PCGF5: variants seen among roughly 807,000 people sequenced by gnomAD.
The protein encoded by PCGF5 is polycomb group ring finger 5, also known as polycomb group RING finger protein 5.
A neutral mutation model predicts 44.3 loss-of-function variants in PCGF5; 9 were observed. The observed-to-expected ratio is 0.20, with a 90% CI of 0.12 to 0.35. PCGF5 has a LOEUF of 0.35. Among genes scored for constraint, PCGF5 ranks in the 10% least tolerant of loss-of-function variants. The pLI is 1.00. For synonymous variants in PCGF5, 95 were observed against 102.5 expected (o/e 0.93, Z 0.44); for missense variants, 146 against 305.3 (o/e 0.48, Z 3.89).
chr10:91,235,699 T>C (rs534200699), intron 2 of PCGF5, among the ~76,000 whole-genome samples: 65 of 152,136 alleles, frequency 4.3e-4, no homozygotes, highest in Non-Finnish European at 8.1e-4. Context: ...TCTCACGCTG[T>C]TTTCTCAATA....
At chr10:91,227,832 C>T in intron 2 of PCGF5, 1 of 987,128 alleles carries the variant, frequency 1.0e-6, no homozygotes, top group Non-Finnish European at 1.2e-6. Context: ...TGAATGCCTC[C>T]TCTGTGCCCA....
chr10:91,158,407 C>T (rs966846409), upstream of PCGF5, among the ~76,000 whole-genome samples: 1 of 152,168 alleles, frequency 6.6e-6, no homozygotes, highest in African/African-American at 2.4e-5. Flanking sequence ...CTACGGCGAA[C>T]TGAGGAGACA....
At chr10:91,261,021 AC>A (rs1765294375) in intron 6 of PCGF5, among the ~76,000 whole-genome samples, 1 of 147,324 alleles carries the variant, frequency 6.8e-6, no homozygotes, top group African/African-American at 2.7e-5. Flanking sequence ...GCTTTTTGTG[AC>A]CTTTTTTTCT....
intron 3 of PCGF5, among the ~76,000 whole-genome samples, chr10:91,245,548 A>T (rs1307453286): frequency 6.6e-6 from 1 of 152,062 alleles, no homozygotes; most frequent in Non-Finnish European, 1.5e-5. Flanking sequence ...ATATAGGAGA[A>T]ATAATGGCGT....
chr10:91,228,579 G>C (rs912427910), intron 2 of PCGF5, among the ~76,000 whole-genome samples: 3 of 152,102 alleles, frequency 2.0e-5, no homozygotes, highest in Non-Finnish European at 4.4e-5. Flanking sequence ...CGTGATAAGA[G>C]ACTCGGCGAT....
chr10:91,233,965 G>T, intron 2 of PCGF5, among the ~76,000 whole-genome samples: 1 of 152,138 alleles, frequency 6.6e-6, no homozygotes, highest in East Asian at 1.9e-4. Context: ...TGAGAGAAAA[G>T]ATTATTATTG....
intron 1 of PCGF5, among the ~76,000 whole-genome samples, chr10:91,197,110 T>C (rs1428615193): frequency 2.0e-5 from 3 of 152,224 alleles, no homozygotes. Context: ...GACAAACTAC[T>C]CCAAAACTTA....
At chr10:91,179,851 T>C (rs1449469915) in intron 1 of PCGF5, among the ~76,000 whole-genome samples, 1 of 152,218 alleles carries the variant, frequency 6.6e-6, no homozygotes, top group Non-Finnish European at 1.5e-5. Flanking sequence ...TTATATTCCT[T>C]TGGGTATATA....
intron 2 of PCGF5, among the ~76,000 whole-genome samples, chr10:91,226,236 G>A (rs1844832833): frequency 7.5e-6 from 1 of 133,638 alleles, no homozygotes; most frequent in Non-Finnish European, 1.5e-5. Context: ...CATAGAACCT[G>A]CCCTTCTGGA....
At chr10:91,221,569 A>G (rs1025076540) in intron 1 of PCGF5, among the ~76,000 whole-genome samples, 4 of 152,182 alleles carry the variant, frequency 2.6e-5, no homozygotes, top group Admixed American at 6.5e-5. Flanking sequence ...CGCAGTGGGT[A>G]TGTGTTGATG....
chr10:91,227,651 C>T (rs1347093437), intron 2 of PCGF5: 2 of 1,122,698 alleles, frequency 1.8e-6, no homozygotes, highest in African/African-American at 1.7e-5. Context: ...AGCTTACTGT[C>T]TTTATCATTA....
chr10:91,234,401 A>C (rs554903699), intron 2 of PCGF5, among the ~76,000 whole-genome samples: 1 of 152,340 alleles, frequency 6.6e-6, no homozygotes, highest in South Asian at 2.1e-4. Flanking sequence ...ACCCCAGTAA[A>C]AGAAGTGTAC....
chr10:91,212,552 C>T (rs1198447337), intron 1 of PCGF5, among the ~76,000 whole-genome samples: 3 of 151,996 alleles, frequency 2.0e-5, no homozygotes, highest in Non-Finnish European at 4.4e-5. Context: ...ATATTGTATA[C>T]TCAGAGGCTA....
intron 1 of PCGF5, among the ~76,000 whole-genome samples, chr10:91,173,294 T>C (rs1843644087): frequency 6.6e-6 from 1 of 152,214 alleles, no homozygotes; most frequent in Non-Finnish European, 1.5e-5. Context: ...TTTCTCTTGT[T>C]ATCCCTGTGA....
At chr10:91,177,541 C>T (rs146804082) in intron 1 of PCGF5, among the ~76,000 whole-genome samples, 11,671 of 152,244 alleles carry the variant, frequency 0.077, 1,022 homozygotes, top group African/African-American at 0.21. Context: ...CCTTGAGCTG[C>T]GGTGGGCTCC....
At position 91,240,480 on chromosome 10, in the gene PCGF5, T is replaced by C; in HGVS notation, c.113-4T>C. The C allele has an allele frequency of 6.3e-7, 1 of 1,597,146 alleles. No individual in the cohort carries two copies. Among genetic ancestry groups the C allele is most frequent in the South Asian group, 1.1e-5 (1 of 88,478 alleles). On this transcript the variant is annotated splice_polypyrimidine_tract_variant and splice_region_variant and intron_variant, in intron 2 of 9. Transcript: ENST00000336126. ...TTTTAACCTAACATCTTCTTTCTTC[T>C]TAGTCTGTAAGACTTGTATTGTTCA...
intron 2 of PCGF5, among the ~76,000 whole-genome samples, chr10:91,226,890 A>C (rs565934568): frequency 6.6e-6 from 1 of 152,292 alleles, no homozygotes; most frequent in African/African-American, 2.4e-5. Context: ...TCTTCCCTTC[A>C]GTAGGCCAGG....
At chr10:91,225,199 T>G (rs567334884) in intron 2 of PCGF5, among the ~76,000 whole-genome samples, 1 of 147,992 alleles carries the variant, frequency 6.8e-6, no homozygotes, top group South Asian at 2.1e-4. Context: ...GATATATATA[T>G]TTTTATATAT....
chr10:91,271,126 A>ATATATAATCTAATATG (rs1217183930), intron 8 of PCGF5, among the ~76,000 whole-genome samples: 7 of 151,004 alleles, frequency 4.6e-5, no homozygotes, highest in African/African-American at 1.5e-4. Context: ...AATCTAATAT[A>ATATATAATCTAATATG]TATATAATCA....
Sources: allele counts gnomAD v4.1 joint callset (sites outside exome capture counted in the v4.1 genomes callset), GRCh38; gene constraint gnomAD v4.1.1; transcripts MANE v1.5; gene names NCBI Gene and HGNC (gene_info 2026-07-23, HGNC 2026-07-21).